UBAP2: variants seen among roughly 807,000 people sequenced by gnomAD.
The protein encoded by UBAP2 is ubiquitin associated protein 2.
A neutral mutation model predicts 139.6 loss-of-function variants in UBAP2; 75 were observed. That is an observed-to-expected ratio of 0.54 (90% CI 0.45 to 0.65). UBAP2 has a LOEUF of 0.65. UBAP2 is among the 30% of genes least tolerant of loss of function. The pLI is 0.00. For missense variants in UBAP2, 1,368 were observed against 1,369.6 expected, an observed-to-expected ratio of 1.00 and a Z score of 0.02; for synonymous variants, 526 against 526.2, an observed-to-expected ratio of 1.00 and a Z score of 0.01.
At chr9:33,965,820 G>A (rs184665406) in intron 8 of UBAP2, among the ~76,000 whole-genome samples, 5 of 150,454 alleles carry the variant, frequency 3.3e-5, no homozygotes, top group East Asian at 4.0e-4. Context: ...AGGCCGAGGC[G>A]GGTAGATCAC....
chr9:33,951,725 C>A (rs1826123887), intron 12 of UBAP2, among the ~76,000 whole-genome samples: 1 of 152,126 alleles, frequency 6.6e-6, no homozygotes, highest in Non-Finnish European at 1.5e-5. Context: ...TCTTATTCTG[C>A]CTTCTCATGT....
chr9:34,044,191 G>C (rs886653256), intron 1 of UBAP2, among the ~76,000 whole-genome samples: 1 of 151,576 alleles, frequency 6.6e-6, no homozygotes, highest in Non-Finnish European at 1.5e-5. Flanking sequence ...CACGAGGTCA[G>C]GAGATCAAGA....
chr9:33,978,554 C>CGAGATCAG (rs911105368), intron 6 of UBAP2, among the ~76,000 whole-genome samples: 5 of 152,052 alleles, frequency 3.3e-5, no homozygotes, highest in African/African-American at 7.2e-5. Context: ...AGGCGGATCA[C>CGAGATCAG]GAGATCAGGA....
At chr9:33,982,880 G>GTTTTTTTTTTTTTTTTTTT (rs544925444) in intron 6 of UBAP2, among the ~76,000 whole-genome samples, 1 of 138,482 alleles carries the variant, frequency 7.2e-6, no homozygotes, top group Non-Finnish European at 1.6e-5. Context: ...GTTTTTTTTT[G>GTTTTTTTTTTTTTTTTTTT]TTTTTTTTTT....
rs1454206041 is a variant in UBAP2 at position 34,017,141 on chromosome 9, G to A, written c.8C>T (p.Thr3Ile). Reference sequence around the variant, plus strand: ...TCGACAATGGTCACTGCTCACTGAAGTCATCATATACAGTATATACAAAAT... The same window carrying A: ...TCGACAATGGTCACTGCTCACTGAAATCATCATATACAGTATATACAAAAT... MM[T>I]SVSSDHCRGA... The change falls in exon 2 of 29, where the codon ACT (threonine) becomes ATT (isoleucine). Residue 3 changes from threonine (T) to isoleucine (I), a missense_variant. Coordinates refer to ENST00000379238, the MANE Select transcript of UBAP2 (RefSeq NM_001370062.2). 8.1e-6 allele frequency: 13 copies of A among 1,604,316 alleles called. No individual in the cohort carries two copies. Among genetic ancestry groups the A allele is most frequent in the Non-Finnish European group, 1.0e-5 (12 of 1,176,822 alleles).
intron 6 of UBAP2, among the ~76,000 whole-genome samples, chr9:33,974,474 T>C (rs1386717465): frequency 6.6e-6 from 1 of 152,126 alleles, no homozygotes; most frequent in East Asian, 1.9e-4. Flanking sequence ...ACCACTGTAC[T>C]CTAGTCAGTG....
At chr9:33,931,859 C>G (rs1824012185) in intron 19 of UBAP2, among the ~76,000 whole-genome samples, 1 of 152,186 alleles carries the variant, frequency 6.6e-6, no homozygotes, top group Non-Finnish European at 1.5e-5. Flanking sequence ...CCAACACCTC[C>G]TGTTGTCCAG....
intron 10 of UBAP2, 30 bp downstream of exon 10, chr9:33,960,792 AAAAG>A (rs970340282): frequency 1.7e-5 from 27 of 1,588,384 alleles, no homozygotes; most frequent in Admixed American, 5.6e-5. Context: ...AAAAAAAAAA[AAAAG>A]AAAGGTCTCA....
chr9:33,980,410 ATTTTTTT>A, intron 6 of UBAP2, among the ~76,000 whole-genome samples: 1 of 134,528 alleles, frequency 7.4e-6, no homozygotes, highest in Non-Finnish European at 1.6e-5. Context: ...CTTTTTTTGT[ATTTTTTT>A]TTTTTAGTAG....
intron 2 of UBAP2, among the ~76,000 whole-genome samples, chr9:34,003,912 G>T (rs897270998): frequency 2.0e-5 from 3 of 151,798 alleles, no homozygotes; most frequent in Non-Finnish European, 4.4e-5. Context: ...TAGAGACAGG[G>T]TTTCATCATG....
intron 27 of UBAP2, 40 bp downstream of exon 27, chr9:33,922,924 CCT>C: frequency 1.9e-6 from 3 of 1,613,930 alleles, no homozygotes; most frequent in South Asian, 1.1e-5. Flanking sequence ...TGGGCTGTAA[CCT>C]CTCAAAAACC....
intron 16 of UBAP2, among the ~76,000 whole-genome samples, chr9:33,939,485 C>T (rs905531326): frequency 2.0e-5 from 3 of 151,474 alleles, no homozygotes; most frequent in Admixed American, 2.0e-4. Flanking sequence ...AGGAGTGAGC[C>T]ACTGCGCCCA....
At chr9:33,943,699 AGAAG>A in intron 14 of UBAP2, 110 bp from the exon 15 acceptor site, 1 of 919,536 alleles carries the variant, frequency 1.1e-6, no homozygotes, top group South Asian at 1.8e-5. Flanking sequence ...ACTGGCAAGA[AGAAG>A]GAGTGAGAAA....
rs1564064054 is a variant in UBAP2, at chr9:34,016,254, GGAGGAAGAGGAGGAAGAGAAGGAGGAA to G, written c.99+769_99+795del. 1.6e-3 allele frequency among the ~76,000 whole-genome samples: 33 copies of G among 20,702 alleles called. 2 individuals are homozygous for G. Among genetic ancestry groups the G allele is most frequent in the Admixed American group, 2.4e-3 (3 of 1,268 alleles). The allele number at this position is 20,702 out of a possible 152,430, so 13.6% of individuals were successfully genotyped here. On this transcript the variant is annotated intron_variant, in intron 2 of 28. Coordinates refer to ENST00000379238, the MANE Select transcript of UBAP2 (RefSeq NM_001370062.2). ...AAGAGGAAGGGGAGGAAGAGGAGGA[GGAGGAAGAGGAGGAAGAGAAGGAGGAA>G]GAGGAGGAGGAGGAAGAGGAGGAAG...
At chr9:33,964,054 G>T (rs1827272677) in intron 8 of UBAP2, among the ~76,000 whole-genome samples, 1 of 152,142 alleles carries the variant, frequency 6.6e-6, no homozygotes, top group South Asian at 2.1e-4. Context: ...ACTCATCAAA[G>T]AGAGTATTCT....
Position 33,922,805 on chromosome 9 carries a change from C to A in UBAP2, c.3146G>T (p.Gly1049Val). Residue 1049 changes from glycine (G) to valine (V), a missense_variant, in exon 28 of 29, where the codon GGG becomes GTG. Coordinates refer to ENST00000379238, the MANE Select transcript of UBAP2 (RefSeq NM_001370062.2). ...AGGGGCCGCTCCCGAGGCCAGGGGC[C>A]CAGTGGAGCCCAAGACCGAGGGCAG... ...FSLPSVLGST[G>V]PLASGAAPGY... is the part of the protein sequence containing the mutation. 6.4e-7 allele frequency: 1 copy of A among 1,566,956 alleles called. No homozygotes were observed. The highest frequency in any genetic ancestry group is 8.7e-7 in the Non-Finnish European group (1 of 1,155,958).
chr9:34,037,727 A>T (rs1355414994), intron 1 of UBAP2, among the ~76,000 whole-genome samples: 1 of 152,178 alleles, frequency 6.6e-6, no homozygotes, highest in Non-Finnish European at 1.5e-5. Flanking sequence ...ATCATCTGAG[A>T]AAAGGATTAT....
intron 1 of UBAP2, among the ~76,000 whole-genome samples, chr9:34,040,412 C>A (rs1362380093): frequency 1.3e-5 from 2 of 150,968 alleles, no homozygotes; most frequent in Non-Finnish European, 2.9e-5. Context: ...GACATATATC[C>A]AAAATATCTG....
chr9:33,960,465 C>CA (rs903081753), intron 10 of UBAP2, among the ~76,000 whole-genome samples: 7 of 152,052 alleles, frequency 4.6e-5, no homozygotes, highest in African/African-American at 1.7e-4. Context: ...CCAAAGTCCC[C>CA]ACCAAACACC....
Sources: allele counts gnomAD v4.1 joint callset (sites outside exome capture counted in the v4.1 genomes callset), GRCh38; gene constraint gnomAD v4.1.1; transcripts MANE v1.5; gene names NCBI Gene and HGNC (gene_info 2026-07-23, HGNC 2026-07-21).